The following COL10A1 variants were observed in gnomAD, a reference collection of about 807,000 sequenced individuals.
COL10A1 encodes collagen type X alpha 1 chain.
A neutral mutation model predicts 18.2 loss-of-function variants in COL10A1; 10 were observed. That is an observed-to-expected ratio of 0.55 (90% CI 0.34 to 0.93). COL10A1 has a LOEUF of 0.93. COL10A1 is among the 40% of genes least tolerant of loss of function. COL10A1 has a pLI of 0.02. For synonymous variants in COL10A1, 330 were observed against 316.6 expected, an observed-to-expected ratio of 1.04 and a Z score of -0.45; for missense variants, 897 against 853.5, an observed-to-expected ratio of 1.05 and a Z score of -0.64.
chr6:116,172,613 C>T, the COL10A1 span, among the ~76,000 whole-genome samples: 2 of 152,054 alleles, frequency 1.3e-5, no homozygotes, highest in Non-Finnish European at 2.9e-5. Context: ...AGCCACCGCG[C>T]CAGGCCACAC....
chr6:116,120,906 C>T lies in COL10A1; in HGVS notation c.1210G>A (p.Gly404Arg). The T allele has an allele frequency of 1.2e-6, 2 of 1,613,966 alleles. No homozygotes were observed. Among genetic ancestry groups the T allele is most frequent in the Non-Finnish European group, 1.7e-6 (2 of 1,179,924 alleles). Residue 404 changes from glycine (G) to arginine (R), a missense_variant, in exon 3 of 3, where the codon GGG (glycine) becomes AGG (arginine). Gly to Arg is a moderately radical substitution (Grantham distance 125). Transcript: ENST00000651968. ...PGLDGPKGNP[G>R]LPGPKGDPGV... is the part of the protein sequence containing the mutation. ...GGATCACCTTTTGGACCTGGTAACC[C>T]TGGGTTACCCTTAGGACCATCGAGA...
chr6:116,212,017 A>G, the COL10A1 span, among the ~76,000 whole-genome samples: 3 of 152,082 alleles, frequency 2.0e-5, no homozygotes, highest in Admixed American at 6.6e-5. Flanking sequence ...TCCTCAAGCA[A>G]TGTTGCAGAG....
chr6:116,172,740 A>G, the COL10A1 span, among the ~76,000 whole-genome samples: 4 of 152,308 alleles, frequency 2.6e-5, no homozygotes, highest in African/African-American at 9.6e-5. Context: ...TAAAGTATTT[A>G]TTATATTTCT....
At chr6:116,215,097 A>G in the COL10A1 span, among the ~76,000 whole-genome samples, 1 of 152,106 alleles carries the variant, frequency 6.6e-6, no homozygotes, top group Non-Finnish European at 1.5e-5. Context: ...AAGAGTGGAA[A>G]TTATTGCTTT....
chr6:116,212,880 CATTT>C, the COL10A1 span, among the ~76,000 whole-genome samples: 13 of 152,150 alleles, frequency 8.5e-5, no homozygotes, highest in East Asian at 1.2e-3. Context: ...CTGTTTAAAA[CATTT>C]ATGCTGACAA....
intron 1 of COL10A1, among the ~76,000 whole-genome samples, chr6:116,157,088 G>A (rs900999860): frequency 6.6e-6 from 1 of 152,118 alleles, no homozygotes; most frequent in African/African-American, 2.4e-5. Context: ...ACCAGGTCTT[G>A]GGCTGCAATT....
At chr6:116,198,087 G>C in the COL10A1 span, among the ~76,000 whole-genome samples, 2 of 152,140 alleles carry the variant, frequency 1.3e-5, no homozygotes, top group South Asian at 4.2e-4. Context: ...AGAGATCCTG[G>C]TAAATAAAAG....
At chr6:116,175,113 A>G in the COL10A1 span, among the ~76,000 whole-genome samples, 2 of 152,186 alleles carry the variant, frequency 1.3e-5, no homozygotes, top group Non-Finnish European at 1.5e-5. Context: ...TTTATATACA[A>G]TAAAATATGT....
At chr6:116,205,412 C>T in the COL10A1 span, among the ~76,000 whole-genome samples, 49,176 of 151,574 alleles carry the variant, frequency 0.32, 9,700 homozygotes, top group African/African-American at 0.55. Flanking sequence ...TGAGTAATTA[C>T]GAGATAATTT....
At chr6:116,215,682 T>G in the COL10A1 span, among the ~76,000 whole-genome samples, 1 of 152,170 alleles carries the variant, frequency 6.6e-6, no homozygotes, top group South Asian at 2.1e-4. Flanking sequence ...GAAACTAGGT[T>G]CTTTTAGAAT....
the COL10A1 span, among the ~76,000 whole-genome samples, chr6:116,192,232 A>G: frequency 1.8e-4 from 28 of 152,106 alleles, 1 homozygote; most frequent in South Asian, 2.5e-3. Context: ...TAAAATTGGG[A>G]TAAGTTGTAT....
chr6:116,158,321 C>G (rs1780251297), intron 1 of COL10A1, among the ~76,000 whole-genome samples: 2 of 151,830 alleles, frequency 1.3e-5, no homozygotes, highest in Admixed American at 1.3e-4. Flanking sequence ...TACATGGATG[C>G]TTTCCTCCTT....
In COL10A1 at chr6:116,122,376, G is replaced by A. The variant is rs117989654; in HGVS notation, c.155-415C>T. The stretch of plus-strand genomic sequence containing the variant: ...TTTCCCTCCCAAAGCTACCCTGTCA[G>A]ACATAAAAGAGAAACAGAATTAATT... On this transcript the variant is annotated intron_variant, in intron 2 of 2. Transcript: ENST00000651968. 4.7e-4 allele frequency among the ~76,000 whole-genome samples: 71 copies of A among 152,260 alleles called. 1 individual carries two copies. The East Asian group carries it at 8.5e-3, about 18-fold the overall frequency.
the COL10A1 span, among the ~76,000 whole-genome samples, chr6:116,212,866 T>A: frequency 2.0e-5 from 3 of 152,192 alleles, no homozygotes; most frequent in Admixed American, 1.3e-4. Context: ...TGGATTTCTT[T>A]AAACTGTTTA....
chr6:116,125,783 A>G (rs1156880587), intron 1 of COL10A1: 1 of 281,770 alleles, frequency 3.5e-6, no homozygotes, highest in Non-Finnish European at 6.8e-6. Flanking sequence ...TCTGTATTAA[A>G]TAATCTAGGA....
chr6:116,136,311 T>C (rs770438646), intron 1 of COL10A1, among the ~76,000 whole-genome samples: 39 of 152,314 alleles, frequency 2.6e-4, no homozygotes, highest in Non-Finnish European at 4.4e-4. Context: ...TTGGTGTGTA[T>C]GTATGTAATA....
the COL10A1 span, among the ~76,000 whole-genome samples, chr6:116,174,080 C>T: frequency 6.6e-6 from 1 of 152,190 alleles, no homozygotes; most frequent in Admixed American, 6.5e-5. Context: ...TGGTTCACTT[C>T]ACAGAAGTGA....
the COL10A1 span, among the ~76,000 whole-genome samples, chr6:116,197,761 T>A: frequency 6.6e-6 from 1 of 152,138 alleles, no homozygotes; most frequent in Admixed American, 6.5e-5. Context: ...TGAGATAATG[T>A]ATAAAGAACT....
chr6:116,135,870 T>TATAC, intron 1 of COL10A1, among the ~76,000 whole-genome samples: 1 of 119,272 alleles, frequency 8.4e-6, no homozygotes, highest in Admixed American at 7.9e-5. Flanking sequence ...TATATATATA[T>TATAC]ATACACACAT....
Sources: gnomAD v4.1 joint callset for allele counts (sites outside exome capture counted in the v4.1 genomes callset) on GRCh38, gnomAD v4.1.1 for gene constraint, MANE v1.5 for transcripts, NCBI Gene and HGNC (gene_info 2026-07-23, HGNC 2026-07-21) for gene names.